ASCC3: variants seen among roughly 807,000 people sequenced by gnomAD.
ASCC3 encodes the protein activating signal cointegrator 1 complex subunit 3.
A neutral mutation model predicts 256.3 loss-of-function variants in ASCC3; 158 were observed. The ratio of observed to expected loss-of-function variants is 0.62; its 90% CI spans 0.54 to 0.70. The LOEUF is 0.70. ASCC3 is among the 30% of genes least tolerant of loss of function. The pLI, the probability that ASCC3 is intolerant of heterozygous loss-of-function variation, is 0.00. For synonymous variants in ASCC3, 948 were observed against 883.4 expected (o/e 1.07, Z -1.30); for missense variants, 2,259 against 2,626.0 (o/e 0.86, Z 3.05).
intron 36 of ASCC3, among the ~76,000 whole-genome samples, chr6:100,570,017 C>T (rs986515768): frequency 6.6e-6 from 1 of 152,012 alleles, no homozygotes; most frequent in Non-Finnish European, 1.5e-5. Context: ...TAGATGTATT[C>T]CCAGGTATTT....
At chr6:100,634,869 AAAAAAAAAAAAAAGAAAAG>A (rs1439856428) in intron 25 of ASCC3, among the ~76,000 whole-genome samples, 1 of 65,580 alleles carries the variant, frequency 1.5e-5, no homozygotes, top group African/African-American at 3.2e-5. Flanking sequence ...AAAAACAAAA[AAAAAAAAAAAAAAGAAAAG>A]AAAAAAGAAA....
chr6:100,730,286 G>A (rs1337401984), intron 10 of ASCC3, among the ~76,000 whole-genome samples: 2 of 115,184 alleles, frequency 1.7e-5, no homozygotes, highest in Non-Finnish European at 3.7e-5. Flanking sequence ...GACAGGGCAA[G>A]ACTCCATCTC....
At chr6:100,774,186 C>A (rs1050168085) in intron 8 of ASCC3, among the ~76,000 whole-genome samples, 1 of 152,182 alleles carries the variant, frequency 6.6e-6, no homozygotes, top group East Asian at 1.9e-4. Flanking sequence ...GAGATAGCGT[C>A]TTGCTCTGTT....
intron 37 of ASCC3, among the ~76,000 whole-genome samples, chr6:100,524,590 G>A (rs561086202): frequency 4.9e-4 from 75 of 152,016 alleles, no homozygotes; most frequent in African/African-American, 1.7e-3. Flanking sequence ...TTGAAGGGTG[G>A]ATAATAAAAT....
In ASCC3 at chr6:100,687,034, TCACACA is replaced by T. The variant is rs71028030; in HGVS notation, c.2152-7288_2152-7283del. ...AAATCTCTCTCTCTCTCTCTCTCTC[TCACACA>T]CACACACACACACACACACACACAC... On this transcript the variant is annotated intron_variant, in intron 13 of 41. Transcript: ENST00000369162. 5.2e-3 allele frequency among the ~76,000 whole-genome samples: 680 copies of T among 130,666 alleles called. 8 individuals carry two copies. Among genetic ancestry groups the T allele is most frequent in the African/African-American group, 0.018 (632 of 34,646 alleles). The allele number at this position is 130,666 out of a possible 152,430, so 85.7% of individuals were successfully genotyped here.
intron 36 of ASCC3, among the ~76,000 whole-genome samples, chr6:100,546,119 C>T (rs1775707603): frequency 6.6e-6 from 1 of 151,962 alleles, no homozygotes; most frequent in East Asian, 1.9e-4. Context: ...TTGGAACCAA[C>T]AATCAGAAAT....
Position 100,644,083 on chromosome 6 carries a change from G to A in ASCC3, c.3680C>T (p.Pro1227Leu). The A allele has an allele frequency of 1.2e-6, 2 of 1,612,616 alleles. No individual in the cohort carries two copies. Among genetic ancestry groups the A allele is most frequent in the Non-Finnish European group, 1.7e-6 (2 of 1,179,292 alleles). Residue 1227 changes from proline to leucine, a missense_variant, in exon 23 of 42, where the codon CCT (proline) becomes CTT (leucine). Physicochemically the swap from Pro to Leu is moderately conservative, Grantham distance 98 (BLOSUM62 -3). Transcript: ENST00000369162. ...TGAATGATAAATATGATCATTTGTA[G>A]GATCTTCTACCCAAATCCACCAAGG... ...GEPWWIWVED[P>L]TNDHIYHSEY...
At chr6:100,876,374 G>A (rs558872811) in intron 1 of ASCC3, among the ~76,000 whole-genome samples, 2 of 152,284 alleles carry the variant, frequency 1.3e-5, no homozygotes, top group African/African-American at 4.8e-5. Flanking sequence ...ATATTTTTCA[G>A]GTAGCAATGA....
chr6:100,526,661 T>C (rs761335179), intron 37 of ASCC3, among the ~76,000 whole-genome samples: 1 of 152,196 alleles, frequency 6.6e-6, no homozygotes, highest in African/African-American at 2.4e-5. Context: ...AGGTGGTGTT[T>C]TGGGAGATAA....
chr6:100,799,617 A>G (rs1366413481), intron 6 of ASCC3, 45 bp from the exon 7 acceptor site: 2 of 1,593,288 alleles, frequency 1.3e-6, no homozygotes, highest in East Asian at 2.2e-5. Flanking sequence ...TTATCTTGAA[A>G]GGTAATGCAT....
intron 36 of ASCC3, among the ~76,000 whole-genome samples, chr6:100,586,177 T>C (rs2102115): frequency 0.91 from 138,954 of 152,260 alleles, 63,615 homozygotes; most frequent in Non-Finnish European, 0.95. Flanking sequence ...CTGTGCCCTG[T>C]CCCCAGAGGT....
intron 36 of ASCC3, among the ~76,000 whole-genome samples, chr6:100,588,061 G>A (rs767612744): frequency 6.6e-6 from 1 of 152,098 alleles, no homozygotes; most frequent in Non-Finnish European, 1.5e-5. Flanking sequence ...GACTTGAGAG[G>A]CAGTATAGTA....
rs1322428471 is a variant in ASCC3, at chr6:100,518,064, G to T, written c.5854C>A (p.Gln1952Lys). The T allele has an allele frequency of 6.2e-7, 1 of 1,613,686 alleles. No individual in the cohort carries two copies. Among genetic ancestry groups the T allele is most frequent in the Non-Finnish European group, 8.5e-7 (1 of 1,179,702 alleles). ...GAAGAGTCCTTTAACCACCGACCCT[G>T]GATCACCATCTGAATCAGGTTGGTG... ...NITNLIQMVIQGRWLKDSSLL... is the reference protein window; with the variant it reads ...NITNLIQMVIKGRWLKDSSLL... Residue 1952 changes from glutamine to lysine, a missense_variant, in exon 38 of 42, where the codon CAG (glutamine) becomes AAG (lysine). Gln to Lys is a moderately conservative substitution (Grantham distance 53). Coordinates refer to ENST00000369162, the MANE Select transcript of ASCC3 (RefSeq NM_006828.4).
At chr6:100,821,655 C>G (rs1771050875) in intron 4 of ASCC3, among the ~76,000 whole-genome samples, 1 of 151,816 alleles carries the variant, frequency 6.6e-6, no homozygotes, top group East Asian at 1.9e-4. Flanking sequence ...GAAACCCTGT[C>G]TCTACTAAAA....
chr6:100,685,611 C>T (rs999530495), intron 13 of ASCC3, among the ~76,000 whole-genome samples: 36 of 152,130 alleles, frequency 2.4e-4, no homozygotes, highest in Admixed American at 1.3e-4. Context: ...TTAGCTTTTC[C>T]TCTGTGCATT....
intron 36 of ASCC3, among the ~76,000 whole-genome samples, chr6:100,543,147 G>A (rs1775544919): frequency 6.6e-6 from 1 of 152,058 alleles, no homozygotes; most frequent in Non-Finnish European, 1.5e-5. Flanking sequence ...TATAAAATGT[G>A]TAGTATTTGC....
intron 1 of ASCC3, among the ~76,000 whole-genome samples, chr6:100,873,595 A>G (rs1336214588): frequency 1.3e-5 from 2 of 152,184 alleles, no homozygotes; most frequent in African/African-American, 2.4e-5. Flanking sequence ...TAAAGTTAAT[A>G]TGAAGGAAGG....
In ASCC3 at chr6:100,867,883, A is replaced by G. The variant is rs755923855; in HGVS notation, c.90+25T>C. 5.8e-6 allele frequency: 9 copies of G among 1,548,722 alleles called. No homozygotes were observed. In the East Asian group the frequency reaches 2.0e-4, roughly 35 times the overall value. ...TAGTCTGTGTTTATAATAATGTTCA[A>G]CATTTCTACCTTTAACAAATCTACC... On this transcript the variant is annotated intron_variant, in intron 2 of 41. Transcript: ENST00000369162.
intron 3 of ASCC3, among the ~76,000 whole-genome samples, chr6:100,861,368 G>C (rs1033841103): frequency 6.6e-6 from 1 of 152,024 alleles, no homozygotes; most frequent in Admixed American, 6.6e-5. Context: ...ATAGCCTTAA[G>C]TGTCTCATAA....
Sources: gnomAD v4.1 joint callset for allele counts (sites outside exome capture counted in the v4.1 genomes callset) on GRCh38, gnomAD v4.1.1 for gene constraint, MANE v1.5 for transcripts, NCBI Gene and HGNC (gene_info 2026-07-23, HGNC 2026-07-21) for gene names.